The following RP1 variants were observed in gnomAD, a reference collection of about 807,000 sequenced individuals.
The protein encoded by RP1 is oxygen-regulated protein 1.
RP1 carries 16 observed loss-of-function variants against 14.8 expected under a neutral mutation model. That is an observed-to-expected ratio of 1.08 (90% confidence interval 0.73 to 1.65). RP1 has a LOEUF of 1.65. Among genes scored for constraint, RP1 ranks in the 40% most tolerant of loss-of-function variants. The probability of loss-of-function intolerance (pLI) is 0.00; values close to 1 mark genes in which losing one functional copy is unlikely to be tolerated. For missense variants in RP1, 2,631 were observed against 2,535.0 expected (o/e 1.04, Z -0.81); for synonymous variants, 876 against 883.6 (o/e 0.99, Z 0.15).
chr8:54,769,566 T>G (rs1809850513), intron 22 of RP1, among the ~76,000 whole-genome samples: 3 of 152,238 alleles, frequency 2.0e-5, no homozygotes, highest in African/African-American at 7.2e-5. Flanking sequence ...AGTGCTATGA[T>G]GAATGTGTAA....
rs545233765 is a variant in RP1 at position 54,750,893 on chromosome 8, A to G, written c.2809-3910A>G. Among the ~76,000 whole-genome samples the G allele has an allele frequency of 6.5e-4, 99 of 152,204 alleles. 1 individual carries two copies. The highest frequency in any genetic ancestry group is 2.6e-4 in the Non-Finnish European group (18 of 68,038). Reference sequence around the variant, plus strand: ...GATTGAAAAAGGGCATTCTGATAGGACAGAAATGGAGCATGGGAGGGGAAA... The same window carrying G: ...GATTGAAAAAGGGCATTCTGATAGGGCAGAAATGGAGCATGGGAGGGGAAA... On this transcript the variant is annotated intron_variant, in intron 19 of 22. Coordinates refer to the RP1 transcript ENST00000636932.
chr8:54,732,546 T>G (rs1808818013), intron 17 of RP1, among the ~76,000 whole-genome samples: 1 of 152,132 alleles, frequency 6.6e-6, no homozygotes, highest in African/African-American at 2.4e-5. Flanking sequence ...TGAAAGTGAT[T>G]CTTTTAGATG....
intron 12 of RP1, among the ~76,000 whole-genome samples, chr8:54,698,253 A>G (rs1279318181): frequency 6.6e-6 from 1 of 152,226 alleles, no homozygotes; most frequent in East Asian, 1.9e-4. Flanking sequence ...TTCTCAAAAG[A>G]GACATTTATG....
In RP1 at chr8:54,628,599, T is replaced by A; in HGVS notation, c.4717T>A (p.Ser1573Thr). The change falls in exon 4 of 4, where the codon TCA becomes ACA. Residue 1573 changes from serine to threonine, a missense_variant. By Grantham distance (58) the Ser-to-Thr change is moderately conservative. Coordinates refer to ENST00000220676, the MANE Select transcript of RP1 (RefSeq NM_006269.2). ...MVKTMETGSY[S>T]ESSPDLKKCI... ...GAAAACTATGGAAACTGGAAGTTATTCAGAGTCCTCTCCTGATTTAAAAAA... is the reference window on the plus strand; with the variant it reads ...GAAAACTATGGAAACTGGAAGTTATACAGAGTCCTCTCCTGATTTAAAAAA... 6.2e-7 allele frequency: 1 copy of A among 1,614,008 alleles called. No homozygotes were observed. Among genetic ancestry groups the A allele is most frequent in the Non-Finnish European group, 8.5e-7 (1 of 1,179,942 alleles).
intron 7 of RP1, among the ~76,000 whole-genome samples, chr8:54,666,924 A>G (rs1807031530): frequency 1.3e-5 from 2 of 151,832 alleles, no homozygotes; most frequent in East Asian, 1.9e-4. Context: ...CTCCTCCACA[A>G]TCCCTCAATC....
chr8:54,819,499 T>C (rs1399528252), intron 24 of RP1, among the ~76,000 whole-genome samples: 2 of 152,106 alleles, frequency 1.3e-5, no homozygotes, highest in African/African-American at 4.8e-5. Flanking sequence ...GGTCACATTC[T>C]CCTGGATGTT....
chr8:54,697,586 G>A (rs1235705904), intron 12 of RP1, among the ~76,000 whole-genome samples: 1 of 152,036 alleles, frequency 6.6e-6, no homozygotes, highest in African/African-American at 2.4e-5. Flanking sequence ...AGTAGCTTAT[G>A]TTCATGGCAA....
At chr8:54,595,380 C>T (rs1292515523) in intron 1 of RP1, among the ~76,000 whole-genome samples, 5 of 152,188 alleles carry the variant, frequency 3.3e-5, no homozygotes, top group Non-Finnish European at 7.3e-5. Flanking sequence ...CCGCCCGCCT[C>T]AGCCTCCCAA....
chr8:54,858,752 C>T (rs1387746650), intron 27 of RP1, among the ~76,000 whole-genome samples: 2 of 150,538 alleles, frequency 1.3e-5, no homozygotes, highest in Non-Finnish European at 3.0e-5. Context: ...CACTGTACAG[C>T]AATGTTACTA....
intron 1 of RP1, among the ~76,000 whole-genome samples, chr8:54,584,630 G>A (rs1047680552): frequency 1.3e-5 from 2 of 152,130 alleles, no homozygotes; most frequent in African/African-American, 4.8e-5. Context: ...TATTGTGTGG[G>A]TGTCTAAGTC....
chr8:54,854,099 GT>G (rs1327921456), intron 26 of RP1, among the ~76,000 whole-genome samples: 37 of 152,152 alleles, frequency 2.4e-4, no homozygotes, highest in Admixed American at 5.2e-4. Flanking sequence ...TGGATCTGCA[GT>G]TTTAATGTAA....
intron 21 of RP1, chr8:54,758,777 C>A: frequency 1.4e-6 from 1 of 720,920 alleles, no homozygotes; most frequent in Non-Finnish European, 2.2e-6. Flanking sequence ...CACCATATTG[C>A]CCCTTTTGAT....
chr8:54,652,011 CT>C lies in RP1; in HGVS notation c.952-757del, dbSNP rs11463056. Among the ~76,000 whole-genome samples the C allele has an allele frequency of 3.3e-3, 486 of 146,366 alleles. 4 individuals carry two copies. Among genetic ancestry groups the C allele is most frequent in the African/African-American group, 0.011 (458 of 39,926 alleles). On this transcript the variant is annotated intron_variant, in intron 4 of 22. Coordinates refer to the RP1 transcript ENST00000636932. ...TTACGAGTATGTTCTTTAATTTACA[CT>C]TTTTTTTTTTTCTGAGATGGAGTCT...
chr8:54,560,057 T>C (rs1213037377), intron 1 of RP1, among the ~76,000 whole-genome samples: 2 of 152,146 alleles, frequency 1.3e-5, no homozygotes, highest in African/African-American at 4.8e-5. Flanking sequence ...CGGCAGAATG[T>C]AGCTCGAGAG....
At chr8:54,646,626 C>T (rs1806556123) in intron 3 of RP1, among the ~76,000 whole-genome samples, 1 of 152,182 alleles carries the variant, frequency 6.6e-6, no homozygotes, top group African/African-American at 2.4e-5. Context: ...TTTTATGGTA[C>T]TCTGTTGCAG....
At chr8:54,829,995 A>G (rs1563389342) in intron 24 of RP1, among the ~76,000 whole-genome samples, 1 of 152,158 alleles carries the variant, frequency 6.6e-6, no homozygotes, top group Non-Finnish European at 1.5e-5. Context: ...TTAAAAAAAG[A>G]GTATGTATTC....
chr8:54,769,702 C>T (rs1585676683), intron 22 of RP1: 1 of 1,281,432 alleles, frequency 7.8e-7, no homozygotes. Context: ...TCTCTATTTT[C>T]TCCTCTCTCT....
At chr8:54,819,191 C>G (rs910254965) in intron 24 of RP1, among the ~76,000 whole-genome samples, 3 of 151,712 alleles carry the variant, frequency 2.0e-5, no homozygotes, top group Admixed American at 1.3e-4. Flanking sequence ...TTTCATATAG[C>G]CTGCCTTCAC....
chr8:54,845,932 G>C (rs1367739110), intron 25 of RP1, among the ~76,000 whole-genome samples: 1 of 152,160 alleles, frequency 6.6e-6, no homozygotes, highest in African/African-American at 2.4e-5. Flanking sequence ...TGCATTTATA[G>C]ACACATATAG....
Sources: allele counts gnomAD v4.1 joint callset (sites outside exome capture counted in the v4.1 genomes callset), GRCh38; gene constraint gnomAD v4.1.1; transcripts MANE v1.5; gene names NCBI Gene and HGNC (gene_info 2026-07-23, HGNC 2026-07-21).